Variants in MED13 observed in about 807,000 individuals in gnomAD.
MED13 encodes the protein mediator of RNA polymerase II transcription subunit 13.
A neutral mutation model predicts 225.2 loss-of-function variants in MED13; 23 were observed. The observed-to-expected ratio is 0.10, with a 90% confidence interval of 0.07 to 0.14. MED13 has a LOEUF of 0.14. Ranked by LOEUF, MED13 falls within the 10% of genes least tolerant of loss-of-function variation. The pLI is 1.00. For missense variants in MED13, 2,197 were observed against 2,594.5 expected, an observed-to-expected ratio of 0.85 and a Z score of 3.33; for synonymous variants, 942 against 889.2, an observed-to-expected ratio of 1.06 and a Z score of -1.06.
chr17:61,980,402 C>A (rs1390473438), intron 16 of MED13, among the ~76,000 whole-genome samples: 2 of 152,074 alleles, frequency 1.3e-5, no homozygotes, highest in Non-Finnish European at 2.9e-5. Flanking sequence ...AACTCACACA[C>A]AAAATTTTTC....
intron 10 of MED13, among the ~76,000 whole-genome samples, chr17:61,993,196 CTTTCTTT>C (rs1190599760): frequency 3.6e-4 from 46 of 127,382 alleles, no homozygotes; most frequent in African/African-American, 1.6e-3. Flanking sequence ...TTCTTTCTTT[CTTTCTTT>C]TTTTTTTTTT....
At chr17:62,041,141 T>C (rs1490516051) in intron 3 of MED13, among the ~76,000 whole-genome samples, 1 of 152,124 alleles carries the variant, frequency 6.6e-6, no homozygotes, top group African/African-American at 2.4e-5. Flanking sequence ...CAAATACCAT[T>C]TACAGATTAA....
intron 5 of MED13, among the ~76,000 whole-genome samples, chr17:62,033,159 A>G (rs1012823396): frequency 4.6e-5 from 7 of 152,234 alleles, no homozygotes; most frequent in Admixed American, 4.6e-4. Context: ...CCTCAAAAAA[A>G]TAAAAATAAA....
chr17:62,015,368 T>C (rs2080553184), intron 8 of MED13, among the ~76,000 whole-genome samples: 2 of 152,144 alleles, frequency 1.3e-5, no homozygotes, highest in African/African-American at 4.8e-5. Context: ...ATCTATAAAA[T>C]GCAGTATTAT....
chr17:61,971,899 A>ACT (rs2080113197), intron 17 of MED13, among the ~76,000 whole-genome samples: 1 of 152,078 alleles, frequency 6.6e-6, no homozygotes, highest in East Asian at 1.9e-4. Context: ...GCGCCAGTGC[A>ACT]CTCCAGCCTG....
At chr17:61,970,754 C>T (rs568145344) in intron 17 of MED13, among the ~76,000 whole-genome samples, 15 of 119,490 alleles carry the variant, frequency 1.3e-4, no homozygotes, top group East Asian at 2.5e-4. Context: ...TTGAAATACA[C>T]GTCTGGGTGC....
At chr17:61,963,599 C>G (rs951418975) in intron 20 of MED13, among the ~76,000 whole-genome samples, 5 of 152,168 alleles carry the variant, frequency 3.3e-5, no homozygotes, top group Non-Finnish European at 7.3e-5. Context: ...AGCCACTTCA[C>G]CTGGTCCCAT....
intron 9 of MED13, 193 bp downstream of exon 9, chr17:62,010,357 T>C: frequency 2.5e-6 from 1 of 404,984 alleles, no homozygotes; most frequent in Non-Finnish European, 4.3e-6. Flanking sequence ...TCTCCACTTT[T>C]TGTGGCTAAA....
chr17:61,994,375 AT>A (rs2080329688), intron 10 of MED13, among the ~76,000 whole-genome samples: 1 of 152,158 alleles, frequency 6.6e-6, no homozygotes, highest in African/African-American at 2.4e-5. Flanking sequence ...CATATATTTG[AT>A]TTTTAAATTT....
At chr17:61,996,601 C>T (rs564538678) in intron 9 of MED13, among the ~76,000 whole-genome samples, 2 of 152,170 alleles carry the variant, frequency 1.3e-5, no homozygotes, top group Non-Finnish European at 2.9e-5. Context: ...ATTCTCCTTC[C>T]AAATATCTGC....
chr17:62,022,321 CCTA>C (rs1033137023), intron 8 of MED13, among the ~76,000 whole-genome samples: 24 of 151,800 alleles, frequency 1.6e-4, no homozygotes, highest in African/African-American at 5.8e-4. Context: ...TTCAAAAAAA[CCTA>C]CTAAATAATT....
At chr17:61,961,946 T>C (rs1254031283) in intron 21 of MED13, among the ~76,000 whole-genome samples, 167 bp from the exon 22 acceptor site, 1 of 152,226 alleles carries the variant, frequency 6.6e-6, no homozygotes, top group Non-Finnish European at 1.5e-5. Context: ...TTTTAATAAG[T>C]AGCCAATTTT....
chr17:61,995,090 G>A lies in MED13; in HGVS notation c.2181+62C>T, dbSNP rs1178490967. On this transcript the variant is annotated intron_variant, in intron 10 of 29. Transcript: ENST00000397786. ...GTGAGATAACTGTGGTAGTAAGAGT[G>A]TTACTATATGCAGTGCTACAAAATC... The A allele has an allele frequency of 3.8e-6, 4 of 1,051,580 alleles. No homozygotes were observed. The African/African-American group carries it at 6.3e-5, about 17-fold the overall frequency. The allele number at this position is 1,051,580 out of a possible 1,614,324, so 65.1% of individuals were successfully genotyped here. A position where few individuals can be genotyped will look rare whatever the true frequency, so the allele number is the denominator to read the frequency against.
At chr17:62,017,447 CATT>C (rs1238470308) in intron 8 of MED13, among the ~76,000 whole-genome samples, 1 of 152,092 alleles carries the variant, frequency 6.6e-6, no homozygotes, top group Non-Finnish European at 1.5e-5. Flanking sequence ...ATAACAGTAT[CATT>C]AACTCATCAA....
chr17:61,966,431 C>T, intron 19 of MED13, 31 bp downstream of exon 19: 1 of 1,547,340 alleles, frequency 6.5e-7, no homozygotes, highest in Non-Finnish European at 8.7e-7. Flanking sequence ...TTGCTAACAC[C>T]AGCCTTATAC....
intron 8 of MED13, among the ~76,000 whole-genome samples, chr17:62,014,228 C>A (rs1406704989): frequency 6.6e-6 from 1 of 151,678 alleles, no homozygotes; most frequent in Non-Finnish European, 1.5e-5. Context: ...GAAGTTGAGT[C>A]TAATCAAGTA....
intron 8 of MED13, among the ~76,000 whole-genome samples, chr17:62,024,867 AT>A (rs896895927): frequency 6.6e-6 from 1 of 151,156 alleles, no homozygotes; most frequent in Non-Finnish European, 1.5e-5. Context: ...ACATGATCTC[AT>A]TTTTTTTTAT....
intron 3 of MED13, among the ~76,000 whole-genome samples, chr17:62,036,078 C>T (rs2080800558): frequency 6.7e-6 from 1 of 148,412 alleles, no homozygotes; most frequent in South Asian, 2.1e-4. Context: ...ATGTGGGCCA[C>T]TGTACCCAGC....
chr17:61,966,481 T>C lies in MED13; in HGVS notation c.4362A>G (p.Gln1454=). 2 of 1,613,010 alleles carry C rather than the reference T, an allele frequency of 1.2e-6. No individual in the cohort carries two copies. Among genetic ancestry groups the C allele is most frequent in the African/African-American group, 1.3e-5 (1 of 75,026 alleles). Residue 1454 remains glutamine, a synonymous_variant, in exon 19 of 30, where the codon CAA becomes CAG. Transcript: ENST00000397786. ...EAFSKLKLYA[Q]VCRYDLGPYL... ...CAATACCTAGGTCATATCTGCAGAC[T>C]TGTGCATAAAGCTTGAGTTTAGAAA...
Sources: gnomAD v4.1 joint callset for allele counts (sites outside exome capture counted in the v4.1 genomes callset) on GRCh38, gnomAD v4.1.1 for gene constraint, MANE v1.5 for transcripts, NCBI Gene and HGNC (gene_info 2026-07-23, HGNC 2026-07-21) for gene names.